The following KCNH5 variants were observed in gnomAD, a reference collection of about 807,000 sequenced individuals.
KCNH5 encodes potassium voltage-gated channel subfamily H member 5.
In KCNH5, 46 loss-of-function variants were observed where a neutral mutation model predicts 96.1. The ratio of observed to expected loss-of-function variants is 0.48; its 90% CI spans 0.38 to 0.61. The LOEUF is 0.61. Ranked by LOEUF, KCNH5 falls within the 20% of genes least tolerant of loss-of-function variation. The probability of loss-of-function intolerance (pLI) is 0.00; values close to 1 mark genes in which losing one functional copy is unlikely to be tolerated. For synonymous variants in KCNH5, 439 were observed against 449.8 expected (o/e 0.98, Z 0.30); for missense variants, 907 against 1,225.8 (o/e 0.74, Z 3.88).
At chr14:62,879,749 G>T (rs897855037) in intron 7 of KCNH5, among the ~76,000 whole-genome samples, 1 of 152,030 alleles carries the variant, frequency 6.6e-6, no homozygotes, top group Admixed American at 6.6e-5. Flanking sequence ...ATGTTAACTT[G>T]TACTTCCCTA....
intron 8 of KCNH5, among the ~76,000 whole-genome samples, chr14:62,820,700 A>G (rs11158455): frequency 0.046 from 6,946 of 152,174 alleles, 317 homozygotes; most frequent in East Asian, 0.15. Context: ...ATAGTATTTC[A>G]TGGTGCATAT....
chr14:63,031,170 C>G (rs1891618973), intron 1 of KCNH5, among the ~76,000 whole-genome samples: 1 of 151,798 alleles, frequency 6.6e-6, no homozygotes, highest in African/African-American at 2.4e-5. Flanking sequence ...AGGACCAGGC[C>G]TCCCTGTCTA....
At chr14:62,806,027 C>G (rs550459154) in intron 8 of KCNH5, among the ~76,000 whole-genome samples, 1 of 152,190 alleles carries the variant, frequency 6.6e-6, no homozygotes, top group Non-Finnish European at 1.5e-5. Flanking sequence ...CTCGTAAAGA[C>G]CTTGCTGATA....
intron 10 of KCNH5, among the ~76,000 whole-genome samples, chr14:62,752,828 G>T (rs1195237865): frequency 1.3e-5 from 2 of 152,148 alleles, no homozygotes; most frequent in Non-Finnish European, 1.5e-5. Flanking sequence ...TGTGAAGAAG[G>T]TGCTTGTTTT....
chr14:62,950,244 C>T lies in KCNH5; in HGVS notation c.1258G>A (p.Val420Met), dbSNP rs1282339448. Residue 420 changes from valine to methionine, a missense_variant, in exon 7 of 11, where the codon GTG becomes ATG. Around this residue, in one of 6 missense-constraint regions of KCNH5, gnomAD observed 370 missense variants for 561.3 expected, o/e 0.66. Transcript: ENST00000322893. The part of the protein sequence containing the change: ...EGGPSKDSLY[V>M]SSLYFTMTSL... ...GTCATGGTAAAGTAGAGAGAGGACACGTACAATGAATCCTTGCTGGGTCCT... is the reference window on the plus strand; with the variant it reads ...GTCATGGTAAAGTAGAGAGAGGACATGTACAATGAATCCTTGCTGGGTCCT... 5 of 1,613,882 alleles carry T rather than the reference C, an allele frequency of 3.1e-6. No homozygotes were observed. The highest frequency in any genetic ancestry group is 3.3e-5 in the Admixed American group (2 of 59,982).
At position 62,821,294 on chromosome 14, in the gene KCNH5, A is replaced by G. The variant is rs551940927; in HGVS notation, c.1570-18713T>C. On this transcript the variant is annotated intron_variant, in intron 8 of 10. Coordinates refer to ENST00000322893, the MANE Select transcript of KCNH5 (RefSeq NM_139318.5). ...CATTATCTTAACTAACTTTGTATCA[A>G]TGCTATTGATAAGACTTGAAAACAG... Among the ~76,000 whole-genome samples the G allele has an allele frequency of 2.0e-4, 30 of 152,278 alleles. No individual in the cohort carries two copies. In the South Asian group the frequency reaches 2.9e-3, roughly 15 times the overall value.
At chr14:62,947,685 C>T (rs1240121146) in intron 7 of KCNH5, among the ~76,000 whole-genome samples, 1 of 151,208 alleles carries the variant, frequency 6.6e-6, no homozygotes, top group African/African-American at 2.5e-5. Context: ...TAAGCCTCTG[C>T]AACATGGAAT....
intron 9 of KCNH5, among the ~76,000 whole-genome samples, chr14:62,780,373 T>G (rs1167181250): frequency 6.6e-6 from 1 of 152,176 alleles, no homozygotes; most frequent in Non-Finnish European, 1.5e-5. Context: ...ATACACATTA[T>G]TCAGTAACTA....
At chr14:62,736,969 T>C (rs1885171842) in intron 10 of KCNH5, among the ~76,000 whole-genome samples, 1 of 152,148 alleles carries the variant, frequency 6.6e-6, no homozygotes, top group Admixed American at 6.6e-5. Flanking sequence ...GAAAACTTTT[T>C]TCTCTCAGGT....
At chr14:63,036,113 G>T (rs913549928) in intron 1 of KCNH5, among the ~76,000 whole-genome samples, 1 of 152,224 alleles carries the variant, frequency 6.6e-6, no homozygotes, top group African/African-American at 2.4e-5. Flanking sequence ...ACAGACAGAA[G>T]CTGTTTTAGG....
At chr14:62,764,670 T>C (rs1288700897) in intron 10 of KCNH5, among the ~76,000 whole-genome samples, 2 of 152,186 alleles carry the variant, frequency 1.3e-5, no homozygotes, top group Non-Finnish European at 2.9e-5. Context: ...TTCAGCAAAG[T>C]TTTGGGATAC....
intron 7 of KCNH5, among the ~76,000 whole-genome samples, chr14:62,948,025 T>C (rs1399457661): frequency 6.6e-6 from 1 of 151,216 alleles, no homozygotes; most frequent in Non-Finnish European, 1.5e-5. Flanking sequence ...CCCCTTCCTG[T>C]GTCCATGTAA....
At chr14:62,712,089 G>A (rs373132935) in intron 10 of KCNH5, among the ~76,000 whole-genome samples, 1 of 152,016 alleles carries the variant, frequency 6.6e-6, no homozygotes, top group Non-Finnish European at 1.5e-5. Context: ...AGAAAGAGGG[G>A]GTCATGAGGC....
chr14:62,907,387 AAT>A (rs1410383380), intron 7 of KCNH5, among the ~76,000 whole-genome samples: 1 of 152,204 alleles, frequency 6.6e-6, no homozygotes, highest in African/African-American at 2.4e-5. Context: ...GAAGAAATGA[AAT>A]AAGTCTGCCA....
At chr14:62,896,211 T>C (rs2140089099) in intron 7 of KCNH5, among the ~76,000 whole-genome samples, 1 of 152,320 alleles carries the variant, frequency 6.6e-6, no homozygotes, top group Middle Eastern at 3.4e-3. Context: ...TCCTTCTTTC[T>C]ATTTGAAATG....
At chr14:62,827,686 A>C (rs1343001537) in intron 8 of KCNH5, among the ~76,000 whole-genome samples, 1 of 152,116 alleles carries the variant, frequency 6.6e-6, no homozygotes, top group Non-Finnish European at 1.5e-5. Flanking sequence ...TTTTTGTCTG[A>C]TTTTATGATA....
chr14:62,749,614 T>C (rs1885453155), intron 10 of KCNH5, among the ~76,000 whole-genome samples: 1 of 152,220 alleles, frequency 6.6e-6, no homozygotes, highest in Non-Finnish European at 1.5e-5. Context: ...ACTCTGTAGC[T>C]TGAAAGTATC....
intron 7 of KCNH5, among the ~76,000 whole-genome samples, chr14:62,885,218 C>A (rs1459189723): frequency 6.6e-6 from 1 of 152,136 alleles, no homozygotes; most frequent in Non-Finnish European, 1.5e-5. Flanking sequence ...ACTAATGTTA[C>A]TAGACAAGCT....
At chr14:62,999,299 T>C (rs986046031) in intron 4 of KCNH5, among the ~76,000 whole-genome samples, 2 of 152,374 alleles carry the variant, frequency 1.3e-5, no homozygotes, top group East Asian at 1.9e-4. Context: ...ATGATGAGCA[T>C]GTTTTCATGT....
Sources: gnomAD v4.1 joint callset for allele counts (sites outside exome capture counted in the v4.1 genomes callset) on GRCh38, gnomAD v4.1.1 for gene constraint, gnomAD v4.1.1 regional missense constraint, MANE v1.5 for transcripts, NCBI Gene and HGNC (gene_info 2026-07-23, HGNC 2026-07-21) for gene names.